UTP20: variants seen among roughly 807,000 people sequenced by gnomAD.
The protein encoded by UTP20 is small subunit processome component 20 homolog.
Under a neutral mutation model 329.5 loss-of-function variants are expected in UTP20, and 164 were observed. The ratio of observed to expected loss-of-function variants is 0.50; its 90% CI spans 0.44 to 0.57. UTP20 has a LOEUF of 0.57. Among genes scored for constraint, UTP20 ranks in the 20% least tolerant of loss-of-function variants. The pLI is 0.00. For missense variants in UTP20, 3,055 were observed against 3,284.2 expected, an observed-to-expected ratio of 0.93 and a Z score of 1.71; for synonymous variants, 1,151 against 1,159.3, an observed-to-expected ratio of 0.99 and a Z score of 0.14.
intron 46 of UTP20, among the ~76,000 whole-genome samples, chr12:101,365,867 AGATAG>A (rs1870081138): frequency 6.6e-6 from 1 of 152,242 alleles, no homozygotes; most frequent in Admixed American, 6.5e-5. Flanking sequence ...ATTGATTCAA[AGATAG>A]GATAGATTTT....
chr12:101,375,064 C>A, intron 55 of UTP20, 125 bp downstream of exon 55: 1 of 645,072 alleles, frequency 1.6e-6, no homozygotes, highest in Non-Finnish European at 2.5e-6. Context: ...CTATTTATAG[C>A]TAATCAATTA....
At chr12:101,320,042 C>T (rs750877346) in intron 23 of UTP20, among the ~76,000 whole-genome samples, 2 of 152,134 alleles carry the variant, frequency 1.3e-5, no homozygotes, top group Non-Finnish European at 2.9e-5. Flanking sequence ...GTCATAATTA[C>T]GTGGCCCTGA....
At chr12:101,368,066 A>C in intron 48 of UTP20, 90 bp downstream of exon 48, 1 of 918,520 alleles carries the variant, frequency 1.1e-6, no homozygotes, top group Non-Finnish European at 1.7e-6. Flanking sequence ...ATTTGGGCTC[A>C]AGCTTTATGA....
chr12:101,309,899 C>T (rs1475787903), intron 19 of UTP20, 60 bp downstream of exon 19: 2 of 1,449,122 alleles, frequency 1.4e-6, no homozygotes, highest in Non-Finnish European at 1.9e-6. Context: ...AATGATGGGG[C>T]CCAGATTATT....
intron 21 of UTP20, among the ~76,000 whole-genome samples, chr12:101,313,180 T>A (rs1391133340): frequency 6.6e-6 from 1 of 152,162 alleles, no homozygotes; most frequent in Non-Finnish European, 1.5e-5. Context: ...AGAACATTAT[T>A]AAGTAATACA....
chr12:101,320,070 A>T (rs1389596080), intron 23 of UTP20, among the ~76,000 whole-genome samples: 1 of 152,240 alleles, frequency 6.6e-6, no homozygotes, highest in Non-Finnish European at 1.5e-5. Flanking sequence ...ATAAGCTTGC[A>T]GAAAAAAATT....
At chr12:101,333,030 C>A (rs1293637617) in intron 27 of UTP20, among the ~76,000 whole-genome samples, 1 of 152,140 alleles carries the variant, frequency 6.6e-6, no homozygotes, top group African/African-American at 2.4e-5. Flanking sequence ...GAATACAAAA[C>A]AACTATTCCA....
At position 101,280,147 on chromosome 12, in the gene UTP20, C is replaced by A; in HGVS notation, c.-136C>A. On this transcript the variant is annotated 5_prime_UTR_variant, in exon 1 of 62. Coordinates refer to ENST00000261637, the MANE Select transcript of UTP20 (RefSeq NM_014503.3). ...TCTCCAACATGGCGGCGCCCAGGGG[C>A]TCAAGCCGCACGTGAGAAAGTCTGG... is the stretch of plus-strand genomic sequence containing the variant. 8.4e-7 allele frequency: 1 copy of A among 1,188,092 alleles called. No homozygotes were observed. The highest frequency in any genetic ancestry group is 1.2e-6 in the Non-Finnish European group (1 of 851,472). 73.6% of individuals were successfully genotyped at this position (1,188,092 alleles called of 1,614,324 possible). A position where few individuals can be genotyped will look rare whatever the true frequency, so the allele number is the denominator to read the frequency against.
intron 12 of UTP20, among the ~76,000 whole-genome samples, chr12:101,298,338 C>T (rs1244434340): frequency 1.3e-5 from 2 of 152,078 alleles, no homozygotes; most frequent in African/African-American, 2.4e-5. Context: ...GGTCACTTTC[C>T]AGAGAGGGAA....
At chr12:101,287,108 G>A (rs77569927) in intron 5 of UTP20, among the ~76,000 whole-genome samples, 5 of 152,158 alleles carry the variant, frequency 3.3e-5, no homozygotes, top group South Asian at 2.1e-4. Flanking sequence ...TTGGTCTTCC[G>A]GTTGTTTTCA....
intron 27 of UTP20, 136 bp downstream of exon 27, chr12:101,329,585 G>T (rs10860709): frequency 0.47 from 369,220 of 786,520 alleles, 94,894 homozygotes; most frequent in East Asian, 0.95. Context: ...GCCCAAAATT[G>T]TAAATGATTT....
rs368701596 is a variant in UTP20 at position 101,323,736 on chromosome 12, A to G, written c.3041+2107A>G. 9.5e-5 allele frequency among the ~76,000 whole-genome samples: 14 copies of G among 147,778 alleles called. No homozygotes were observed. The East Asian group carries it at 1.6e-3, about 17-fold the overall frequency. ...CTGTTTGTTTTAATTTGATTATTTT[A>G]TTCATCTGGAATTTATTTTGATGTA... On this transcript the variant is annotated intron_variant, in intron 25 of 61. Coordinates refer to ENST00000261637, the MANE Select transcript of UTP20 (RefSeq NM_014503.3).
intron 21 of UTP20, 48 bp from the exon 22 acceptor site, chr12:101,317,430 T>C: frequency 1.3e-6 from 2 of 1,583,752 alleles, no homozygotes; most frequent in Non-Finnish European, 1.7e-6. Flanking sequence ...ACCTTTCAGA[T>C]TGGTGTGCGT....
At position 101,338,211 on chromosome 12, in the gene UTP20, A is replaced by G. The variant is rs1196052071; in HGVS notation, c.3802A>G (p.Thr1268Ala). 6.2e-7 allele frequency: 1 copy of G among 1,614,174 alleles called. No individual in the cohort carries two copies. The highest frequency in any genetic ancestry group is 8.5e-7 in the Non-Finnish European group (1 of 1,180,020). Residue 1268 changes from threonine to alanine, a missense_variant, in exon 30 of 62, where the codon ACA becomes GCA. Thr to Ala is a moderately conservative substitution (Grantham distance 58). Transcript: ENST00000261637. ...DLLNLPDFEP[T>A]ETVLNLLVTG... The stretch of plus-strand genomic sequence containing the variant: ...TCTTAACCTTCCAGATTTCGAGCCT[A>G]CAGAAACAGTTTTGAACTTGCTGGT...
chr12:101,321,459 C>T, intron 24 of UTP20, 45 bp from the exon 25 acceptor site: 1 of 1,605,000 alleles, frequency 6.2e-7, no homozygotes, highest in Non-Finnish European at 8.5e-7. Flanking sequence ...TATTCAAAAG[C>T]ACTGTTGATA....
chr12:101,290,967 A>G (rs1872125501), intron 8 of UTP20, 79 bp downstream of exon 8: 1 of 1,432,662 alleles, frequency 7.0e-7, no homozygotes, highest in African/African-American at 1.4e-5. Context: ...TTTGCAAATC[A>G]CTCCTAGAAG....
At chr12:101,339,940 A>G (rs1421024271) in intron 31 of UTP20, among the ~76,000 whole-genome samples, 2 of 152,220 alleles carry the variant, frequency 1.3e-5, no homozygotes, top group African/African-American at 2.4e-5. Flanking sequence ...CAGAGTGGGA[A>G]ATCATACTAA....
At chr12:101,294,475 C>T (rs1872280182) in intron 11 of UTP20, among the ~76,000 whole-genome samples, 1 of 151,792 alleles carries the variant, frequency 6.6e-6, no homozygotes, top group African/African-American at 2.4e-5. Flanking sequence ...CCATATTCAC[C>T]ACATACTTAT....
chr12:101,382,389 CTCTG>C (rs1339614200), intron 58 of UTP20, among the ~76,000 whole-genome samples: 3 of 152,220 alleles, frequency 2.0e-5, no homozygotes, highest in Non-Finnish European at 2.9e-5. Flanking sequence ...CAAAGTGAGA[CTCTG>C]TCTCAAAAAA....
Sources: allele counts gnomAD v4.1 joint callset (sites outside exome capture counted in the v4.1 genomes callset), GRCh38; gene constraint gnomAD v4.1.1; transcripts MANE v1.5; gene names NCBI Gene and HGNC (gene_info 2026-07-23, HGNC 2026-07-21).